The following UTRN variants were observed in gnomAD, a reference collection of about 807,000 sequenced individuals.
UTRN encodes the protein dystrophin-related protein 1.
UTRN carries 283 observed loss-of-function variants against 463.9 expected under a neutral mutation model. That is an observed-to-expected ratio of 0.61 (90% CI 0.55 to 0.67). The LOEUF is 0.67. UTRN is among the 30% of genes least tolerant of loss of function. The pLI, the probability that UTRN is intolerant of heterozygous loss-of-function variation, is 0.00. For synonymous variants in UTRN, 1,442 were observed against 1,431.5 expected (o/e 1.01, Z -0.17); for missense variants, 3,922 against 4,084.3 (o/e 0.96, Z 1.08).
intron 14 of UTRN, 114 bp from the exon 15 acceptor site, chr6:144,447,097 C>T (rs1787769691): frequency 3.4e-6 from 3 of 883,346 alleles, no homozygotes; most frequent in South Asian, 1.8e-5. Context: ...CCTTCTTATC[C>T]CCATGTAAGG....
intron 54 of UTRN, among the ~76,000 whole-genome samples, chr6:144,744,318 A>ATGTGTG (rs750924642): frequency 8.1e-5 from 11 of 135,598 alleles, no homozygotes; most frequent in African/African-American, 2.9e-4. Flanking sequence ...ATATATATAT[A>ATGTGTG]TATGTGTGTG....
At chr6:144,530,723 C>T (rs1263828615) in intron 41 of UTRN, among the ~76,000 whole-genome samples, 3 of 151,428 alleles carry the variant, frequency 2.0e-5, no homozygotes, top group Admixed American at 6.6e-5. Context: ...AAAAGCTGCT[C>T]GAGTGTGTGT....
intron 51 of UTRN, among the ~76,000 whole-genome samples, chr6:144,597,764 T>C (rs1230935118): frequency 6.6e-6 from 1 of 152,222 alleles, no homozygotes; most frequent in East Asian, 1.9e-4. Flanking sequence ...GTGAAGCCCA[T>C]TCATAACTAT....
At position 144,748,463 on chromosome 6, in the gene UTRN, C is replaced by G; in HGVS notation, c.8157C>G (p.Pro2719=). The part of the protein sequence containing the change: ...EAESVRNGWK[P]VGDLLIDSLQ... ...AGTCCGTGCGGAATGGCTGGAAGCCCGTGGGAGACTTACTCATTGACTCGC... is the reference window on the plus strand; with the variant it reads ...AGTCCGTGCGGAATGGCTGGAAGCCGGTGGGAGACTTACTCATTGACTCGC... The change falls in exon 55 of 75, where the codon CCC becomes CCG. Residue 2719 remains proline, a synonymous_variant. Transcript: ENST00000367545. 6.2e-7 allele frequency: 1 copy of G among 1,613,856 alleles called. No individual in the cohort carries two copies. Among genetic ancestry groups the G allele is most frequent in the East Asian group, 2.2e-5 (1 of 44,820 alleles).
chr6:144,600,274 A>G (rs962947300), intron 51 of UTRN, among the ~76,000 whole-genome samples: 10 of 152,236 alleles, frequency 6.6e-5, no homozygotes, highest in Admixed American at 5.9e-4. Flanking sequence ...AAAGCTAGAA[A>G]TGATTAAGCT....
intron 2 of UTRN, among the ~76,000 whole-genome samples, chr6:144,377,388 C>T (rs1780560120): frequency 6.6e-6 from 1 of 152,176 alleles, no homozygotes; most frequent in South Asian, 2.1e-4. Flanking sequence ...GTGCTTGTTA[C>T]AGAGTTGAGT....
At chr6:144,437,540 A>G (rs746444932) in intron 10 of UTRN, 25 bp from the exon 11 acceptor site, 3 of 1,565,866 alleles carry the variant, frequency 1.9e-6, no homozygotes, top group Non-Finnish European at 2.6e-6. Flanking sequence ...AGTAGCTCAC[A>G]AATTATAACA....
intron 2 of UTRN, among the ~76,000 whole-genome samples, chr6:144,299,287 A>G (rs770228617): frequency 1.3e-5 from 2 of 152,218 alleles, no homozygotes; most frequent in Non-Finnish European, 2.9e-5. Flanking sequence ...TAATTTATAG[A>G]CAAGGAAGGC....
intron 51 of UTRN, among the ~76,000 whole-genome samples, chr6:144,579,977 T>C (rs1801808645): frequency 6.6e-6 from 1 of 152,206 alleles, no homozygotes; most frequent in Non-Finnish European, 1.5e-5. Context: ...AGTTCCATGG[T>C]TTTATTTTCA....
Position 144,473,793 on chromosome 6 carries a change from G to T in UTRN, c.3140G>T (p.Gly1047Val). The T allele has an allele frequency of 6.2e-7, 1 of 1,614,168 alleles. No individual in the cohort carries two copies. The highest frequency in any genetic ancestry group is 8.5e-7 in the Non-Finnish European group (1 of 1,180,018). ...DFLMKQQAAQGDDAGLQRQLD... is the reference protein window; with the variant it reads ...DFLMKQQAAQVDDAGLQRQLD... ...TTAATGAAACAGCAGGCTGCCCAAG[G>T]AGACGACGCAGGTCTACAGAGGCAG... The change falls in exon 24 of 75, where the codon GGA becomes GTA. Residue 1047 changes from glycine (G) to valine (V), a missense_variant. By Grantham distance (109) the Gly-to-Val change is moderately radical. Transcript: ENST00000367545.
chr6:144,748,593 A>G (rs1791016878), intron 55 of UTRN, 79 bp downstream of exon 55: 4 of 1,514,026 alleles, frequency 2.6e-6, no homozygotes, highest in South Asian at 1.4e-5. Flanking sequence ...AGCCACGTAT[A>G]TAAATTGTTA....
intron 2 of UTRN, among the ~76,000 whole-genome samples, chr6:144,343,343 G>A (rs535235617): frequency 9.1e-4 from 136 of 149,186 alleles, no homozygotes; most frequent in African/African-American, 3.3e-3. Context: ...GACCAACATG[G>A]TGAAATCCCG....
At chr6:144,533,063 C>A in intron 42 of UTRN, 22 bp from the exon 43 acceptor site, 1 of 1,366,686 alleles carries the variant, frequency 7.3e-7, no homozygotes, top group Non-Finnish European at 1.0e-6. Context: ...TGAAACTAAT[C>A]TTGAGTTGTG....
At chr6:144,631,301 A>C (rs1776495642) in intron 51 of UTRN, among the ~76,000 whole-genome samples, 1 of 151,374 alleles carries the variant, frequency 6.6e-6, no homozygotes, top group South Asian at 2.1e-4. Context: ...ACTTGGAACT[A>C]TTCCTAAGTA....
chr6:144,360,153 CTCTTTCCTTTCTTT>C (rs1778953283), intron 2 of UTRN, among the ~76,000 whole-genome samples: 1 of 132,416 alleles, frequency 7.6e-6, no homozygotes, highest in Non-Finnish European at 1.6e-5. Flanking sequence ...TCTCTTTTCT[CTCTTTCCTTTCTTT>C]TCTTTCCTTC....
chr6:144,490,867 T>C, intron 31 of UTRN, 62 bp from the exon 32 acceptor site: 5 of 1,496,240 alleles, frequency 3.3e-6, no homozygotes, highest in South Asian at 1.4e-5. Context: ...GTATCTGTTA[T>C]GCTCATGATG....
intron 2 of UTRN, among the ~76,000 whole-genome samples, chr6:144,312,458 C>T (rs967080335): frequency 6.6e-6 from 1 of 150,962 alleles, no homozygotes; most frequent in African/African-American, 2.4e-5. Flanking sequence ...AACATAGAAG[C>T]ACTCAAGAAA....
intron 58 of UTRN, 108 bp downstream of exon 58, chr6:144,758,097 A>T: frequency 1.1e-6 from 1 of 877,492 alleles, no homozygotes; most frequent in Non-Finnish European, 1.7e-6. Flanking sequence ...CAGTCCTATT[A>T]TCTGAAAGAA....
At chr6:144,448,399 G>A (rs189792405) in intron 16 of UTRN, among the ~76,000 whole-genome samples, 26 of 152,304 alleles carry the variant, frequency 1.7e-4, no homozygotes, top group African/African-American at 6.0e-4. Flanking sequence ...GGGGAATGGG[G>A]AGTGTTGGTT....
Sources: allele counts gnomAD v4.1 joint callset (sites outside exome capture counted in the v4.1 genomes callset), GRCh38; gene constraint gnomAD v4.1.1; transcripts MANE v1.5; gene names NCBI Gene and HGNC (gene_info 2026-07-23, HGNC 2026-07-21).